The following DISC1 variants were observed in gnomAD, a reference collection of about 807,000 sequenced individuals.
DISC1 encodes DISC1 scaffold protein, also known as disrupted in schizophrenia 1 protein.
Under a neutral mutation model 84.5 loss-of-function variants are expected in DISC1, and 57 were observed. That is an observed-to-expected ratio of 0.67 (90% CI 0.55 to 0.84). DISC1 has a LOEUF of 0.84. DISC1 is among the 40% of genes least tolerant of loss of function. The pLI, the probability that DISC1 is intolerant of heterozygous loss-of-function variation, is 0.00. For synonymous variants in DISC1, 411 were observed against 415.2 expected (o/e 0.99, Z 0.12); for missense variants, 1,000 against 1,057.8 (o/e 0.95, Z 0.76).
In DISC1 at chr1:231,899,210, A is replaced by G. The variant is rs188325830; in HGVS notation, c.1982-59618A>G. On this transcript the variant is annotated intron_variant, in intron 9 of 12. Coordinates refer to ENST00000439617, the MANE Select transcript of DISC1 (RefSeq NM_018662.3). ...TCCGTTCCCTATTTGGAGCTCTGGG[A>G]CAGTAGCTGTCACATGATAGTATGC... 4.6e-5 allele frequency among the ~76,000 whole-genome samples: 7 copies of G among 152,284 alleles called. 1 individual carries two copies. The South Asian group carries it at 8.3e-4, about 18-fold the overall frequency.
intron 9 of DISC1, among the ~76,000 whole-genome samples, chr1:231,915,586 G>A (rs1254862692): frequency 1.3e-5 from 2 of 152,120 alleles, no homozygotes; most frequent in African/African-American, 4.8e-5. Context: ...AGACCAGCCT[G>A]GCCAACATGG....
intron 9 of DISC1, among the ~76,000 whole-genome samples, chr1:231,947,305 C>G (rs1043165619): frequency 2.6e-5 from 4 of 152,132 alleles, no homozygotes; most frequent in African/African-American, 9.7e-5. Context: ...TAACACCACC[C>G]ATCTACAACC....
chr1:231,948,893 G>A (rs1419878609), intron 9 of DISC1, among the ~76,000 whole-genome samples: 3 of 126,070 alleles, frequency 2.4e-5, no homozygotes. Context: ...TTTTGAGACA[G>A]AGTCTCAACT....
At chr1:231,806,500 G>A (rs898465113) in intron 8 of DISC1, among the ~76,000 whole-genome samples, 1 of 152,174 alleles carries the variant, frequency 6.6e-6, no homozygotes, top group African/African-American at 2.4e-5. Flanking sequence ...TGTTAACCTG[G>A]GCCCTGGAGG....
chr1:231,693,376 A>G (rs532923292), intron 1 of DISC1, among the ~76,000 whole-genome samples: 20 of 152,240 alleles, frequency 1.3e-4, no homozygotes, highest in Non-Finnish European at 2.2e-4. Context: ...GAACATTCAC[A>G]TGTTCAACGA....
At chr1:231,952,278 A>G (rs1658567093) in intron 9 of DISC1, among the ~76,000 whole-genome samples, 1 of 152,158 alleles carries the variant, frequency 6.6e-6, no homozygotes, top group Non-Finnish European at 1.5e-5. Context: ...CATCAGAGAA[A>G]AAGAGACAGA....
intron 8 of DISC1, among the ~76,000 whole-genome samples, chr1:231,804,460 C>CT (rs559499171): frequency 0.032 from 4,441 of 140,040 alleles, 96 homozygotes; most frequent in African/African-American, 0.067. Context: ...ATCCCCCTTC[C>CT]TTTTTTTTTT....
At chr1:231,861,029 C>G (rs2084609413) in intron 9 of DISC1, among the ~76,000 whole-genome samples, 1 of 152,146 alleles carries the variant, frequency 6.6e-6, no homozygotes, top group African/African-American at 2.4e-5. Context: ...TTGTGTTTTT[C>G]TATTTCCTTT....
chr1:231,931,659 T>G (rs2090664592), intron 9 of DISC1, among the ~76,000 whole-genome samples: 1 of 151,452 alleles, frequency 6.6e-6, no homozygotes, highest in African/African-American at 2.4e-5. Flanking sequence ...TTTTTTTTTT[T>G]TGTCTTTGAG....
At chr1:231,657,576 A>G (rs187431452) in intron 1 of DISC1, among the ~76,000 whole-genome samples, 60 of 152,256 alleles carry the variant, frequency 3.9e-4, no homozygotes, top group Admixed American at 7.2e-4. Context: ...CCTGAATGGT[A>G]TTGCCTTGGT....
intron 9 of DISC1, chr1:231,925,897 C>T (rs948652375): frequency 1.3e-5 from 2 of 152,218 alleles, no homozygotes; most frequent in Admixed American, 6.5e-5. Flanking sequence ...TCAGAAGGAA[C>T]CCACTGGACT....
intron 6 of DISC1, among the ~76,000 whole-genome samples, chr1:231,793,390 G>A (rs146592139): frequency 1.6e-4 from 24 of 152,294 alleles, no homozygotes; most frequent in Non-Finnish European, 3.2e-4. Context: ...ATGTCTTCAT[G>A]CTCTAAGTTC....
intron 10 of DISC1, among the ~76,000 whole-genome samples, chr1:232,006,475 A>C (rs1667456247): frequency 6.6e-6 from 1 of 152,268 alleles, no homozygotes; most frequent in African/African-American, 2.4e-5. Context: ...ATTTTGCCCC[A>C]GCCCTAGAGA....
At chr1:231,923,146 G>A (rs1305327976) in intron 9 of DISC1, among the ~76,000 whole-genome samples, 2 of 151,902 alleles carry the variant, frequency 1.3e-5, no homozygotes, top group Non-Finnish European at 2.9e-5. Flanking sequence ...AGTTAGCTGG[G>A]TGTGGTGGCA....
chr1:231,672,760 A>C (rs1361648067), intron 1 of DISC1, among the ~76,000 whole-genome samples: 5 of 152,290 alleles, frequency 3.3e-5, no homozygotes, highest in Admixed American at 3.3e-4. Context: ...GTACTTGTAG[A>C]TACTTTACCC....
intron 4 of DISC1, among the ~76,000 whole-genome samples, chr1:231,762,189 C>CT (rs201255544): frequency 3.2e-5 from 4 of 123,542 alleles, no homozygotes; most frequent in African/African-American, 9.4e-5. Context: ...TCCTTCTTTT[C>CT]TTTCTTTTCT....
chr1:231,985,307 CAA>C (rs1461097871), intron 10 of DISC1, among the ~76,000 whole-genome samples: 3 of 101,744 alleles, frequency 2.9e-5, no homozygotes, highest in South Asian at 3.0e-4. Context: ...ACCTGGGCAA[CAA>C]GAGTGAAACT....
rs1288415026 is a variant in DISC1 at position 231,693,883 on chromosome 1, G to A, written c.125G>A (p.Arg42Lys). The A allele has an allele frequency of 6.2e-7, 1 of 1,614,158 alleles. No individual in the cohort carries two copies. Among genetic ancestry groups the A allele is most frequent in the Non-Finnish European group, 8.5e-7 (1 of 1,180,030 alleles). ...ACFRRRRLARRPGYMRSSTGP... is the reference protein window; with the variant it reads ...ACFRRRRLARKPGYMRSSTGP... ...TTTCGGAGGCGGCGGCTGGCACGGA[G>A]GCCGGGCTACATGAGAAGCTCGACA... Residue 42 changes from arginine to lysine, a missense_variant, in exon 2 of 13, where the codon AGG becomes AAG. By Grantham distance (26) the Arg-to-Lys change is conservative. Coordinates refer to ENST00000439617, the MANE Select transcript of DISC1 (RefSeq NM_018662.3).
chr1:231,944,478 G>A (rs1440199164), intron 9 of DISC1, among the ~76,000 whole-genome samples: 1 of 152,188 alleles, frequency 6.6e-6, no homozygotes, highest in African/African-American at 2.4e-5. Flanking sequence ...CTCCCTGTGG[G>A]TTGGCTGGGG....
Sources: allele counts gnomAD v4.1 joint callset (sites outside exome capture counted in the v4.1 genomes callset), GRCh38; gene constraint gnomAD v4.1.1; transcripts MANE v1.5; gene names NCBI Gene and HGNC (gene_info 2026-07-23, HGNC 2026-07-21).